The following DACH2 variants were observed in gnomAD, a reference collection of about 807,000 sequenced individuals.
The protein encoded by DACH2 is dachshund homolog 2.
Under a neutral mutation model 35.8 loss-of-function variants are expected in DACH2, and 17 were observed. That is an observed-to-expected ratio of 0.48 (90% CI 0.33 to 0.71). The LOEUF is 0.71. Among genes scored for constraint, DACH2 ranks in the 30% least tolerant of loss-of-function variants. The pLI, the probability that DACH2 is intolerant of heterozygous loss-of-function variation, is 0.02. For missense variants in DACH2, 469 were observed against 472.7 expected (o/e 0.99, Z 0.07); for synonymous variants, 195 against 177.3 (o/e 1.10, Z -0.79).
intron 1 of DACH2, among the ~76,000 whole-genome samples, chrX:86,205,490 C>CTCCT (rs1199616660): frequency 0.11 from 2,416 of 22,928 alleles, 167 homozygotes; most frequent in Middle Eastern, 0.14. Flanking sequence ...CCCTCCTTCC[C>CTCCT]TCCTTCCTTC....
chrX:86,650,015 T>G (rs2040459734), intron 3 of DACH2, among the ~76,000 whole-genome samples: 1 of 110,891 alleles, frequency 9.0e-6, no homozygotes, highest in Admixed American at 9.7e-5. Flanking sequence ...CTAAAAATAA[T>G]TAAGTTGAAT....
At chrX:86,401,603 G>T (rs986623696) in intron 2 of DACH2, among the ~76,000 whole-genome samples, 5 of 110,534 alleles carry the variant, frequency 4.5e-5, no homozygotes, top group Non-Finnish European at 7.6e-5. Flanking sequence ...TGCATAAATA[G>T]GCAAAAGTGG....
chrX:86,482,579 A>G (rs1337376076), intron 2 of DACH2, among the ~76,000 whole-genome samples: 2 of 108,385 alleles, frequency 1.8e-5, no homozygotes, highest in African/African-American at 6.8e-5. Flanking sequence ...GTCAAATGGT[A>G]TTTCTAGTTC....
At chrX:86,419,463 G>A (rs143511024) in intron 2 of DACH2, among the ~76,000 whole-genome samples, 154 of 111,765 alleles carry the variant, frequency 1.4e-3, no homozygotes, top group Non-Finnish European at 1.3e-3. Flanking sequence ...AGCTTGCTCA[G>A]GGAAACTCTC....
At chrX:86,831,183 C>T (rs2042608175) in intron 11 of DACH2, 1 of 111,377 alleles carries the variant, frequency 9.0e-6, no homozygotes, top group Non-Finnish European at 1.9e-5. Context: ...AGATATTATA[C>T]ACAAGGTTAA....
chrX:86,548,906 A>G (rs1482242531), intron 3 of DACH2, among the ~76,000 whole-genome samples: 1 of 112,066 alleles, frequency 8.9e-6, no homozygotes, highest in African/African-American at 3.2e-5. Flanking sequence ...ACTTGAGACC[A>G]ATGTTTTAAA....
chrX:86,404,566 G>T (rs1407504758), intron 2 of DACH2, among the ~76,000 whole-genome samples: 5 of 112,490 alleles, frequency 4.4e-5, no homozygotes, highest in African/African-American at 6.5e-5. Flanking sequence ...GACTTTGGCA[G>T]CTGTGCCTCT....
At chrX:86,588,578 A>G (rs906141973) in intron 3 of DACH2, among the ~76,000 whole-genome samples, 4 of 111,567 alleles carry the variant, frequency 3.6e-5, no homozygotes, top group African/African-American at 1.3e-4. Context: ...GAGAAATTTC[A>G]TCTCCTTGGT....
rs754552791 is a variant in DACH2, at chrX:86,287,620, C to T, written c.489-89204C>T. Among the ~76,000 whole-genome samples the T allele has an allele frequency of 3.6e-5, 4 of 111,513 alleles. No homozygotes were observed. The East Asian group carries it at 1.1e-3, about 31-fold the overall frequency. On this transcript the variant is annotated intron_variant, in intron 1 of 11. Coordinates refer to ENST00000373125, the MANE Select transcript of DACH2 (RefSeq NM_053281.3). ...CTTCTGACTGTGTATTTTTAAATAG[C>T]CTGTTTTCAAGCTCATGAATTTATT...
At chrX:86,534,494 AAAAT>A (rs1335485106) in intron 3 of DACH2, among the ~76,000 whole-genome samples, 1 of 112,201 alleles carries the variant, frequency 8.9e-6, no homozygotes, top group East Asian at 2.8e-4. Flanking sequence ...CACTTAAATA[AAAAT>A]AAAAACCTCA....
chrX:86,275,640 T>A (rs1050767287), intron 1 of DACH2, among the ~76,000 whole-genome samples: 1 of 111,257 alleles, frequency 9.0e-6, no homozygotes, highest in East Asian at 2.8e-4. Flanking sequence ...AAATAGAAGG[T>A]CTTATTCATT....
At position 86,314,719 on chromosome X, in the gene DACH2, A is replaced by G. The variant is rs914212910; in HGVS notation, c.489-62105A>G. ...AAACAGGCTTTTGCTGATGTGAAGA[A>G]AGTTTGTGTGGTCTGGCTAGATCAA... On this transcript the variant is annotated intron_variant, in intron 1 of 11. Coordinates refer to ENST00000373125, the MANE Select transcript of DACH2 (RefSeq NM_053281.3). 2.7e-5 allele frequency among the ~76,000 whole-genome samples: 3 copies of G among 112,106 alleles called. No homozygotes were observed. The South Asian group carries it at 1.1e-3, about 42-fold the overall frequency.
chrX:86,667,592 GAAAGAAAGAAAGAAAGAAAGA>G (rs2040711377), intron 4 of DACH2, among the ~76,000 whole-genome samples: 5 of 104,159 alleles, frequency 4.8e-5, no homozygotes, highest in African/African-American at 1.9e-4. Flanking sequence ...AAGAAAGAAA[GAAAGAAAGAAAGAAAGAAAGA>G]AAGGCAGGCA....
In DACH2 at chrX:86,752,801, A is replaced by G. The variant is rs189469482; in HGVS notation, c.1240+12919A>G. ...TTCTGTGTTATGATAGAGAAGAGTC[A>G]AGTAAACTGATATTTGTACATTTGT... On this transcript the variant is annotated intron_variant, in intron 7 of 11. Coordinates refer to ENST00000373125, the MANE Select transcript of DACH2 (RefSeq NM_053281.3). 2.6e-3 allele frequency among the ~76,000 whole-genome samples: 286 copies of G among 111,704 alleles called. 1 individual carries two copies. Among genetic ancestry groups the G allele is most frequent in the East Asian group, 0.024 (86 of 3,579 alleles).
intron 1 of DACH2, among the ~76,000 whole-genome samples, chrX:86,340,340 G>T (rs1352764632): frequency 2.7e-5 from 3 of 111,385 alleles, no homozygotes; most frequent in African/African-American, 9.8e-5. Context: ...TATTATATCT[G>T]TTATGATGAT....
chrX:86,160,028 A>T (rs1165352513), intron 1 of DACH2, among the ~76,000 whole-genome samples: 2 of 108,413 alleles, frequency 1.8e-5, no homozygotes, highest in Non-Finnish European at 3.8e-5. Flanking sequence ...TAATAACTTA[A>T]AACTGCCACA....
intron 2 of DACH2, among the ~76,000 whole-genome samples, chrX:86,398,632 T>C (rs1273853972): frequency 8.9e-6 from 1 of 112,076 alleles, no homozygotes; most frequent in East Asian, 2.8e-4. Context: ...TATTTCTGCC[T>C]TCATTTCGTT....
intron 2 of DACH2, among the ~76,000 whole-genome samples, chrX:86,485,984 T>C (rs2038013786): frequency 8.9e-6 from 1 of 112,029 alleles, no homozygotes; most frequent in South Asian, 3.7e-4. Flanking sequence ...CAATTAACCA[T>C]GTCTAAGTTT....
chrX:86,231,523 C>T lies in DACH2; in HGVS notation c.488+82415C>T, dbSNP rs1340109426. Among the ~76,000 whole-genome samples, 15 of 111,035 alleles carry T rather than the reference C, an allele frequency of 1.4e-4. No individual in the cohort carries two copies. In the Admixed American group the frequency reaches 1.4e-3, roughly 11 times the overall value. ...GTACCTAGGAGGATTATGGCTGCCT[C>T]TGCTGAGTCATGCAGGTTGTCAGGG... On this transcript the variant is annotated intron_variant, in intron 1 of 11. Transcript: ENST00000373125.
Sources: allele counts gnomAD v4.1 joint callset (sites outside exome capture counted in the v4.1 genomes callset), GRCh38; gene constraint gnomAD v4.1.1; transcripts MANE v1.5; gene names NCBI Gene and HGNC (gene_info 2026-07-23, HGNC 2026-07-21).